RERG: variants seen among roughly 807,000 people sequenced by gnomAD.
RERG encodes the protein ras-related and estrogen-regulated growth inhibitor.
In RERG, 25 loss-of-function variants were observed where a neutral mutation model predicts 23.2. The ratio of observed to expected loss-of-function variants is 1.08; its 90% CI spans 0.79 to 1.50. RERG has a LOEUF of 1.50. Among genes scored for constraint, RERG ranks in the 40% most tolerant of loss-of-function variants. RERG has a pLI of 0.00. For missense variants in RERG, 253 were observed against 250.1 expected, an observed-to-expected ratio of 1.01 and a Z score of -0.08; for synonymous variants, 81 against 89.1, an observed-to-expected ratio of 0.91 and a Z score of 0.51.
At chr12:15,162,048 G>A (rs181091924) in intron 2 of RERG, among the ~76,000 whole-genome samples, 15 of 152,244 alleles carry the variant, frequency 9.9e-5, no homozygotes, top group Non-Finnish European at 1.3e-4. Context: ...TGGTAGGAAC[G>A]GAAATTTTCC....
intron 2 of RERG, among the ~76,000 whole-genome samples, chr12:15,195,028 T>C (rs1212293551): frequency 6.6e-6 from 1 of 152,088 alleles, no homozygotes; most frequent in Non-Finnish European, 1.5e-5. Flanking sequence ...AGCAAACACT[T>C]TGTGGAAAGG....
intron 2 of RERG, among the ~76,000 whole-genome samples, chr12:15,190,603 A>G (rs1865057010): frequency 6.6e-6 from 1 of 152,216 alleles, no homozygotes; most frequent in African/African-American, 2.4e-5. Flanking sequence ...AACATTTAGA[A>G]TATACAGGTT....
At chr12:15,161,224 A>AAGAG (rs1864609991) in intron 2 of RERG, among the ~76,000 whole-genome samples, 1 of 123,124 alleles carries the variant, frequency 8.1e-6, no homozygotes, top group African/African-American at 2.7e-5. Context: ...GAAAGAAAGA[A>AAGAG]AGAAACAGGG....
At chr12:15,118,286 TATTTCA>T (rs887167007) in intron 3 of RERG, among the ~76,000 whole-genome samples, 2 of 152,138 alleles carry the variant, frequency 1.3e-5, no homozygotes, top group African/African-American at 4.8e-5. Flanking sequence ...TTCATTGAAT[TATTTCA>T]AAGCAGTAAA....
rs145098365 is a variant in RERG, at chr12:15,163,386, G to A, written c.62-42267C>T. 1.4e-4 allele frequency among the ~76,000 whole-genome samples: 21 copies of A among 152,222 alleles called. No individual in the cohort carries two copies. In the East Asian group the frequency reaches 3.7e-3, roughly 27 times the overall value. On this transcript the variant is annotated intron_variant, in intron 2 of 4. Coordinates refer to ENST00000256953, the MANE Select transcript of RERG (RefSeq NM_032918.3). ...TGAATATACAGATTTGAAAGCAAAG[G>A]AACAATGACCCAAAAGAACTAAGAT...
chr12:15,118,606 G>C (rs941558855), intron 3 of RERG, among the ~76,000 whole-genome samples: 1 of 152,142 alleles, frequency 6.6e-6, no homozygotes, highest in Non-Finnish European at 1.5e-5. Flanking sequence ...GAGGGGATTG[G>C]AGCATGAGGT....
chr12:15,177,839 G>GTTTTTTTTTTTTTTTTTTTTT (rs11304470), intron 2 of RERG, among the ~76,000 whole-genome samples: 1 of 112,958 alleles, frequency 8.9e-6, no homozygotes, highest in Non-Finnish European at 1.9e-5. Context: ...CCCTCTGTTT[G>GTTTTTTTTTTTTTTTTTTTTT]TTTTTTTTTT....
At chr12:15,117,966 C>T (rs1258865021) in intron 3 of RERG, among the ~76,000 whole-genome samples, 3 of 152,088 alleles carry the variant, frequency 2.0e-5, no homozygotes, top group Non-Finnish European at 4.4e-5. Context: ...GTGTGCTGGC[C>T]ACCCACAAAG....
At chr12:15,167,949 C>T (rs997735247) in intron 2 of RERG, among the ~76,000 whole-genome samples, 4 of 151,954 alleles carry the variant, frequency 2.6e-5, no homozygotes, top group African/African-American at 9.7e-5. Context: ...GAACTATGGC[C>T]CTGAGAGAAG....
intron 2 of RERG, among the ~76,000 whole-genome samples, chr12:15,123,341 T>C (rs1378511567): frequency 6.6e-6 from 1 of 151,874 alleles, no homozygotes; most frequent in Non-Finnish European, 1.5e-5. Flanking sequence ...TTAAGAACCT[T>C]GGTTAGTGCC....
chr12:15,130,601 A>G (rs1173689265), intron 2 of RERG, among the ~76,000 whole-genome samples: 1 of 152,214 alleles, frequency 6.6e-6, no homozygotes, highest in Non-Finnish European at 1.5e-5. Flanking sequence ...AATAAAATTG[A>G]GCAATTTAAT....
intron 2 of RERG, among the ~76,000 whole-genome samples, chr12:15,132,862 T>C (rs2136096638): frequency 6.6e-6 from 1 of 152,130 alleles, no homozygotes; most frequent in Non-Finnish European, 1.5e-5. Flanking sequence ...GGGGTGTCTG[T>C]TAGATCTTTG....
At chr12:15,161,206 G>GAAAGAAAGAAAGAAAGA (rs1864607518) in intron 2 of RERG, among the ~76,000 whole-genome samples, 1 of 143,442 alleles carries the variant, frequency 7.0e-6, no homozygotes, top group African/African-American at 2.6e-5. Flanking sequence ...AAGAAAGAAA[G>GAAAGAAAGAAAGAAAGA]AAAGAAAGAA....
intron 4 of RERG, among the ~76,000 whole-genome samples, chr12:15,110,463 C>CTTTCTTTTTTTTTTTTTTT: frequency 1.4e-5 from 1 of 73,082 alleles, no homozygotes; most frequent in Non-Finnish European, 2.4e-5. Context: ...CCATTTTTTT[C>CTTTCTTTTTTTTTTTTTTT]TTTTTTTTTT....
At chr12:15,128,320 G>T (rs538672582) in intron 2 of RERG, among the ~76,000 whole-genome samples, 1 of 152,320 alleles carries the variant, frequency 6.6e-6, no homozygotes, top group South Asian at 2.1e-4. Context: ...CTTTAAGAAT[G>T]CTGTAGATGA....
In RERG at chr12:15,193,562, C is replaced by G. The variant is rs533001934; in HGVS notation, c.61+23867G>C. Reference sequence around the variant, plus strand: ...ACACTGTGATGGCTTTAACTCTACACTCATCCCATGCTGCCCACACTGGGG... The same window carrying G: ...ACACTGTGATGGCTTTAACTCTACAGTCATCCCATGCTGCCCACACTGGGG... On this transcript the variant is annotated intron_variant, in intron 2 of 4. Transcript: ENST00000256953. Among the ~76,000 whole-genome samples, 5 of 152,272 alleles carry G rather than the reference C, an allele frequency of 3.3e-5. No homozygotes were observed. In the East Asian group the frequency reaches 5.8e-4, roughly 18 times the overall value.
chr12:15,130,426 A>C (rs1864025849), intron 2 of RERG, among the ~76,000 whole-genome samples: 1 of 152,204 alleles, frequency 6.6e-6, no homozygotes, highest in African/African-American at 2.4e-5. Flanking sequence ...AGCTAAACTA[A>C]AAAAGTTAAC....
intron 1 of RERG, among the ~76,000 whole-genome samples, chr12:15,218,673 G>A (rs1208679890): frequency 6.6e-6 from 1 of 151,776 alleles, no homozygotes; most frequent in East Asian, 1.9e-4. Flanking sequence ...CTCAAAACAA[G>A]TCAACTTTTT....
At chr12:15,179,313 C>A (rs1034598455) in intron 2 of RERG, among the ~76,000 whole-genome samples, 2 of 152,130 alleles carry the variant, frequency 1.3e-5, no homozygotes, top group African/African-American at 4.8e-5. Context: ...AAAAGCAGTT[C>A]AAAACCAAAG....
Sources: allele counts gnomAD v4.1 joint callset (sites outside exome capture counted in the v4.1 genomes callset), GRCh38; gene constraint gnomAD v4.1.1; transcripts MANE v1.5; gene names NCBI Gene and HGNC (gene_info 2026-07-23, HGNC 2026-07-21).